The following SEC61G variants were observed in gnomAD, a reference collection of about 807,000 sequenced individuals.
The protein encoded by SEC61G is SEC61 translocon subunit gamma.
In SEC61G, 4 loss-of-function variants were observed where a neutral mutation model predicts 7.5. That is an observed-to-expected ratio of 0.54 (90% CI 0.26 to 1.22). The LOEUF (loss-of-function observed/expected upper bound fraction) is 1.22, where lower values mean the gene tolerates loss of function less well. Ranked by LOEUF, SEC61G falls within the 50% of genes most tolerant of loss-of-function variation. SEC61G has a pLI of 0.12. For synonymous variants in SEC61G, 24 were observed against 24.4 expected, an observed-to-expected ratio of 0.98 and a Z score of 0.05; for missense variants, 53 against 84.6, an observed-to-expected ratio of 0.63 and a Z score of 1.46.
intron 3 of SEC61G, 114 bp from the exon 4 acceptor site, chr7:54,752,534 C>A: frequency 1.8e-6 from 1 of 561,296 alleles, no homozygotes; most frequent in Non-Finnish European, 3.0e-6. Context: ...TTATGTGAAT[C>A]CCACCTAACT....
intron 1 of SEC61G, 77 bp downstream of exon 1, chr7:54,759,081 C>T (rs998367851): frequency 4.4e-6 from 2 of 452,020 alleles, no homozygotes; most frequent in Non-Finnish European, 9.0e-6. Context: ...GCCGGCTCGC[C>T]CACGCCCGCT....
intron 2 of SEC61G, among the ~76,000 whole-genome samples, chr7:54,757,015 T>C (rs995179763): frequency 2.7e-5 from 4 of 148,400 alleles, no homozygotes; most frequent in Admixed American, 6.8e-5. Flanking sequence ...TACTATATTA[T>C]ATACATGTTA....
rs774861613 is a variant in SEC61G, at chr7:54,752,377, T to C, written c.*34A>G. 19 of 1,506,928 alleles carry C rather than the reference T, an allele frequency of 1.3e-5. No individual in the cohort carries two copies. The highest frequency in any genetic ancestry group is 1.6e-5 in the Non-Finnish European group (18 of 1,109,156). 93.3% of individuals were successfully genotyped at this position (1,506,928 alleles called of 1,614,324 possible). ...TCACACCCTCACACTTGTTCACCAA[T>C]CTCTAAGATGAAAAACTCTCTTCCA... On this transcript the variant is annotated 3_prime_UTR_variant, in exon 4 of 4. Transcript: ENST00000352861.
At chr7:54,758,299 G>A (rs1283771305) in intron 1 of SEC61G, among the ~76,000 whole-genome samples, 2 of 152,180 alleles carry the variant, frequency 1.3e-5, no homozygotes, top group Non-Finnish European at 2.9e-5. Context: ...TTACCCAATA[G>A]AAATGTTATC....
Position 54,759,192 on chromosome 7 carries a change from T to C in SEC61G, c.-41A>G, listed in dbSNP as rs1791586370. The C allele has an allele frequency of 1.9e-6, 1 of 518,920 alleles. No individual in the cohort carries two copies. Among genetic ancestry groups the C allele is most frequent in the Admixed American group, 1.9e-5 (1 of 51,588 alleles). The allele number at this position is 518,920 out of a possible 1,614,324, so 32.1% of individuals were successfully genotyped here. Reference sequence around the variant, plus strand: ...CGACACCTAAAATGCCAGGGACACGTAGCACTGGAGCTTGCTGATGGAGGC... The same window carrying C: ...CGACACCTAAAATGCCAGGGACACGCAGCACTGGAGCTTGCTGATGGAGGC... On this transcript the variant is annotated 5_prime_UTR_variant, in exon 1 of 4. Coordinates refer to ENST00000352861, the MANE Select transcript of SEC61G (RefSeq NM_014302.4).
Position 54,757,640 on chromosome 7 carries a change from A to G in SEC61G, c.-6-46T>C. The G allele has an allele frequency of 2.7e-6, 4 of 1,471,126 alleles. No homozygotes were observed. The South Asian group carries it at 3.4e-5, about 13-fold the overall frequency. The allele number at this position is 1,471,126 out of a possible 1,614,324, so 91.1% of individuals were successfully genotyped here. On this transcript the variant is annotated intron_variant, in intron 1 of 3. Coordinates refer to ENST00000352861, the MANE Select transcript of SEC61G (RefSeq NM_014302.4). ...ACTCACTGGTATTGGTTCTCATACA[A>G]TAAGCACTTGCTCATTTATATAAAG...
At position 54,752,309 on chromosome 7, in the gene SEC61G, AAAC is replaced by A; in HGVS notation, c.*99_*101del. 2 of 713,426 alleles carry A rather than the reference AAAC, an allele frequency of 2.8e-6. No individual in the cohort carries two copies. The highest frequency in any genetic ancestry group is 4.5e-6 in the Non-Finnish European group (2 of 440,490). 44.2% of individuals were successfully genotyped at this position (713,426 alleles called of 1,614,324 possible). Reference sequence around the variant, plus strand: ...GAAAACATCTTGAAAGGAAAAAAAAAAACCCACAAAACATACAGGCAAATTTGT... The same window carrying A: ...GAAAACATCTTGAAAGGAAAAAAAAACCACAAAACATACAGGCAAATTTGT... On this transcript the variant is annotated 3_prime_UTR_variant, in exon 4 of 4. Coordinates refer to ENST00000352861, the MANE Select transcript of SEC61G (RefSeq NM_014302.4).
Position 54,759,185 on chromosome 7 carries a change from G to C in SEC61G, c.-34C>G, listed in dbSNP as rs553747913. 5.8e-6 allele frequency: 3 copies of C among 519,010 alleles called. No homozygotes were observed. The highest frequency in any genetic ancestry group is 1.2e-5 in the Non-Finnish European group (3 of 259,856). 32.2% of individuals were successfully genotyped at this position (519,010 alleles called of 1,614,324 possible). On this transcript the variant is annotated 5_prime_UTR_variant, in exon 1 of 4. Coordinates refer to ENST00000352861, the MANE Select transcript of SEC61G (RefSeq NM_014302.4). Reference sequence around the variant, plus strand: ...ACCCAACCGACACCTAAAATGCCAGGGACACGTAGCACTGGAGCTTGCTGA... The same window carrying C: ...ACCCAACCGACACCTAAAATGCCAGCGACACGTAGCACTGGAGCTTGCTGA...
intron 1 of SEC61G, among the ~76,000 whole-genome samples, chr7:54,758,876 G>A (rs1177329822): frequency 3.3e-5 from 5 of 152,086 alleles, no homozygotes; most frequent in Non-Finnish European, 7.3e-5. Flanking sequence ...ATCTTTGGCT[G>A]CAGCACAGAA....
chr7:54,755,689 T>C (rs1791499324), intron 3 of SEC61G, 90 bp downstream of exon 3: 2 of 605,460 alleles, frequency 3.3e-6, no homozygotes, highest in Non-Finnish European at 2.8e-6. Flanking sequence ...AGTCAAGAGA[T>C]GCATCTCTAT....
chr7:54,753,563 C>A (rs1427275162), intron 3 of SEC61G, among the ~76,000 whole-genome samples: 1 of 152,172 alleles, frequency 6.6e-6, no homozygotes, highest in African/African-American at 2.4e-5. Context: ...TATCCTCTTT[C>A]AAGCAGGGAA....
chr7:54,755,548 ACT>A (rs372293843), intron 3 of SEC61G: 1 of 313,984 alleles, frequency 3.2e-6, no homozygotes, highest in African/African-American at 2.1e-5. Flanking sequence ...TACTTTCTTG[ACT>A]CTGTAAAATT....
chr7:54,757,633 T>G, intron 1 of SEC61G, 39 bp from the exon 2 acceptor site: 12 of 1,525,674 alleles, frequency 7.9e-6, no homozygotes, highest in Non-Finnish European at 1.0e-5. Context: ...GTATTGGTTC[T>G]CATACAATAA....
At position 54,755,693 on chromosome 7, in the gene SEC61G, T is replaced by C. The variant is rs950645990; in HGVS notation, c.197+86A>G. On this transcript the variant is annotated intron_variant, in intron 3 of 3. Transcript: ENST00000352861. ...CAGCACTAAAAAGTCAAGAGATGCA[T>C]CTCTATATTAACGAAATAACAGCCT... 15 of 657,982 alleles carry C rather than the reference T, an allele frequency of 2.3e-5. No individual in the cohort carries two copies. The African/African-American group carries it at 2.4e-4, about 10-fold the overall frequency. The allele number at this position is 657,982 out of a possible 1,614,324, so 40.8% of individuals were successfully genotyped here.
At chr7:54,759,019 G>C (rs540146793) in intron 1 of SEC61G, 139 bp downstream of exon 1, 1 of 365,084 alleles carries the variant, frequency 2.7e-6, no homozygotes, top group South Asian at 1.9e-5. Flanking sequence ...CCCCGGCCCT[G>C]AGCCAGGGGA....
chr7:54,758,099 A>C (rs1355319284), intron 1 of SEC61G, among the ~76,000 whole-genome samples: 4 of 152,222 alleles, frequency 2.6e-5, no homozygotes, highest in Non-Finnish European at 5.9e-5. Flanking sequence ...ATAGAGGCAA[A>C]CGTGAATTTC....
At position 54,752,286 on chromosome 7, in the gene SEC61G, A is replaced by T. The variant is rs1653910389; in HGVS notation, c.*125T>A. ...GAAATTACTTTAATTTAGAAATAGA[A>T]AACATCTTGAAAGGAAAAAAAAAAA... is the stretch of plus-strand genomic sequence containing the variant. On this transcript the variant is annotated 3_prime_UTR_variant, in exon 4 of 4. Transcript: ENST00000352861. 2 of 554,990 alleles carry T rather than the reference A, an allele frequency of 3.6e-6. No individual in the cohort carries two copies. The highest frequency in any genetic ancestry group is 3.1e-5 in the Admixed American group (1 of 31,874). 34.4% of individuals were successfully genotyped at this position (554,990 alleles called of 1,614,324 possible). A position where few individuals can be genotyped will look rare whatever the true frequency, so the allele number is the denominator to read the frequency against.
At chr7:54,757,002 A>G (rs945990710) in intron 2 of SEC61G, among the ~76,000 whole-genome samples, 9 of 147,556 alleles carry the variant, frequency 6.1e-5, no homozygotes, top group African/African-American at 2.2e-4. Context: ...ATTATATACT[A>G]TATACTATAT....
intron 1 of SEC61G, among the ~76,000 whole-genome samples, chr7:54,758,444 G>GT (rs766174878): frequency 2.2e-4 from 33 of 152,190 alleles, no homozygotes; most frequent in Non-Finnish European, 4.0e-4. Flanking sequence ...GTAAACCTCT[G>GT]TAAGCCCCAG....
Sources: allele counts gnomAD v4.1 joint callset (sites outside exome capture counted in the v4.1 genomes callset), GRCh38; gene constraint gnomAD v4.1.1; transcripts MANE v1.5; gene names NCBI Gene and HGNC (gene_info 2026-07-23, HGNC 2026-07-21).